CEP120: variants seen among roughly 807,000 people sequenced by gnomAD.
The protein encoded by CEP120 is centrosomal protein 120, also known as centrosomal protein of 120 kDa.
CEP120 carries 113 observed loss-of-function variants against 126.5 expected under a neutral mutation model. That is an observed-to-expected ratio of 0.89 (90% CI 0.77 to 1.04). The LOEUF (loss-of-function observed/expected upper bound fraction) is 1.04. Ranked by LOEUF, CEP120 falls within the 50% of genes least tolerant of loss-of-function variation. The pLI, the probability that CEP120 is intolerant of heterozygous loss-of-function variation, is 0.00. For synonymous variants in CEP120, 400 were observed against 394.3 expected (o/e 1.01, Z -0.17); for missense variants, 1,230 against 1,155.7 (o/e 1.06, Z -0.93).
At chr5:123,402,446 GT>G in intron 4 of CEP120, 7 of 888,542 alleles carry the variant, frequency 7.9e-6, no homozygotes, top group Non-Finnish European at 1.1e-5. Flanking sequence ...TTGAGACAGA[GT>G]CTTGCTCTGT....
At chr5:123,367,338 T>G (rs1166112693) in intron 17 of CEP120, among the ~76,000 whole-genome samples, 1 of 151,954 alleles carries the variant, frequency 6.6e-6, no homozygotes, top group Non-Finnish European at 1.5e-5. Context: ...TTTCCACCTA[T>G]GTAGGCCCTA....
chr5:123,365,807 G>C (rs916757779), intron 17 of CEP120, among the ~76,000 whole-genome samples: 2 of 151,358 alleles, frequency 1.3e-5, no homozygotes, highest in African/African-American at 4.8e-5. Flanking sequence ...GGGATAAGAG[G>C]ATAGTATTCA....
At chr5:123,394,933 TGGAA>T (rs1772668556) in intron 5 of CEP120, among the ~76,000 whole-genome samples, 1 of 152,230 alleles carries the variant, frequency 6.6e-6, no homozygotes, top group Non-Finnish European at 1.5e-5. Context: ...TTAGGGTTGT[TGGAA>T]GGATTAAAAG....
intron 14 of CEP120, among the ~76,000 whole-genome samples, chr5:123,381,115 A>G (rs1771612301): frequency 6.6e-6 from 1 of 152,180 alleles, no homozygotes; most frequent in Non-Finnish European, 1.5e-5. Context: ...GCCCTCCTTT[A>G]TAAACACAAC....
At chr5:123,414,151 A>G (rs930990165) in intron 3 of CEP120, among the ~76,000 whole-genome samples, 1 of 152,214 alleles carries the variant, frequency 6.6e-6, no homozygotes, top group Non-Finnish European at 1.5e-5. Flanking sequence ...CTCATCCCTC[A>G]GATACCCCCC....
At chr5:123,383,152 C>A in intron 11 of CEP120, 70 bp from the exon 12 acceptor site, 1 of 952,636 alleles carries the variant, frequency 1.0e-6, no homozygotes, top group South Asian at 1.8e-5. Flanking sequence ...TTTATTTCCC[C>A]AGTGCTTTAG....
intron 17 of CEP120, among the ~76,000 whole-genome samples, chr5:123,367,937 A>G (rs1174935515): frequency 6.6e-6 from 1 of 151,944 alleles, no homozygotes; most frequent in African/African-American, 2.4e-5. Flanking sequence ...TTAAGAAATA[A>G]GATTCTGCCC....
At position 123,423,038 on chromosome 5, in the gene CEP120, G is replaced by C. The variant is rs775192639; in HGVS notation, c.-40C>G. The C allele has an allele frequency of 3.2e-5, 50 of 1,577,348 alleles. No individual in the cohort carries two copies. The Admixed American group carries it at 6.7e-4, about 21-fold the overall frequency. On this transcript the variant is annotated 5_prime_UTR_variant, in exon 1 of 20. Transcript: ENST00000306467. ...GTCCGGGGGCGAAGGCGGCTGGGGG[G>C]AAGTGAGGTCCAGTTGAGTCGCGGG...
chr5:123,382,325 TAAAAAA>T, intron 13 of CEP120, 125 bp from the exon 14 acceptor site: 3 of 219,216 alleles, frequency 1.4e-5, no homozygotes, highest in Non-Finnish European at 2.5e-5. Context: ...TTTTTTATTC[TAAAAAA>T]AAAAAAAAAA....
intron 8 of CEP120, among the ~76,000 whole-genome samples, chr5:123,388,874 C>T (rs970835235): frequency 6.6e-6 from 1 of 152,194 alleles, no homozygotes; most frequent in African/African-American, 2.4e-5. Context: ...GAGAAATATA[C>T]ATGACTGCAG....
rs1770930763 is a variant in CEP120, at chr5:123,372,680, C to G, written c.2451G>C (p.Gln817His). ...CCAAGGTGAGAAGATTTATTTCAGA[C>G]TGTAGACGGATTTCTGGTTTGTTGT... ...QQNNKPEIRL[Q>H]SEINLLTLEK... Residue 817 changes from glutamine to histidine, a missense_variant, in exon 17 of 20, where the codon CAG becomes CAC. Coordinates refer to ENST00000306467, the MANE Select transcript of CEP120 (RefSeq NM_001375405.1). 6 of 1,612,324 alleles carry G rather than the reference C, an allele frequency of 3.7e-6. No individual in the cohort carries two copies. The highest frequency in any genetic ancestry group is 5.1e-6 in the Non-Finnish European group (6 of 1,179,066).
In CEP120 at chr5:123,403,650, C is replaced by G. The variant is rs182426014; in HGVS notation, c.464-4366G>C. The G allele has an allele frequency of 8.1e-6, 3 of 369,290 alleles. No homozygotes were observed. In the East Asian group the frequency reaches 2.7e-4, roughly 33 times the overall value. 22.9% of individuals were successfully genotyped at this position (369,290 alleles called of 1,614,324 possible). A position where few individuals can be genotyped will look rare whatever the true frequency, so the allele number is the denominator to read the frequency against. On this transcript the variant is annotated intron_variant, in intron 4 of 19. Coordinates refer to ENST00000306467, the MANE Select transcript of CEP120 (RefSeq NM_001375405.1). Reference sequence around the variant, plus strand: ...ACATACAACACTTTAATCAAGTAATCAAAGTTAGCATCAGAAATAGGACAA... The same window carrying G: ...ACATACAACACTTTAATCAAGTAATGAAAGTTAGCATCAGAAATAGGACAA...
chr5:123,414,371 T>C (rs1201786893), intron 3 of CEP120, among the ~76,000 whole-genome samples: 1 of 152,202 alleles, frequency 6.6e-6, no homozygotes, highest in African/African-American at 2.4e-5. Flanking sequence ...CAAATCCTCT[T>C]TTAAAGCATT....
At chr5:123,391,025 G>C (rs1054375147) in intron 7 of CEP120, 85 bp downstream of exon 7, 28 of 897,556 alleles carry the variant, frequency 3.1e-5, no homozygotes, top group Non-Finnish European at 4.7e-5. Flanking sequence ...TCCTTATGAA[G>C]GTAACTCTTC....
At chr5:123,361,323 G>A (rs1285209521) in intron 18 of CEP120, among the ~76,000 whole-genome samples, 2 of 151,700 alleles carry the variant, frequency 1.3e-5, no homozygotes, top group East Asian at 3.9e-4. Context: ...AATACTTGCT[G>A]ACTTCATTTA....
At chr5:123,361,215 C>T (rs951256015) in intron 18 of CEP120, among the ~76,000 whole-genome samples, 9 of 151,910 alleles carry the variant, frequency 5.9e-5, no homozygotes, top group Middle Eastern at 3.4e-3. Context: ...ATTTCCTATC[C>T]AGTAGTGTTA....
At chr5:123,385,235 T>C (rs1771939022) in intron 10 of CEP120, 102 bp from the exon 11 acceptor site, 1 of 857,064 alleles carries the variant, frequency 1.2e-6, no homozygotes, top group Non-Finnish European at 1.8e-6. Flanking sequence ...AAGATGTTTT[T>C]TGTTACCTGG....
chr5:123,404,841 T>C (rs1330938160), intron 4 of CEP120, among the ~76,000 whole-genome samples: 1 of 152,220 alleles, frequency 6.6e-6, no homozygotes, highest in Non-Finnish European at 1.5e-5. Flanking sequence ...TCACTATTTG[T>C]TTCTCTCACT....
rs978039499 is a variant in CEP120 at position 123,382,818 on chromosome 5, C to T, written c.1932G>A (p.Glu644=). Residue 644 remains glutamate, a synonymous_variant, in exon 13 of 20, where the codon GAG becomes GAA. Transcript: ENST00000306467. ...CTTTGTATTCTAACGTTTCACGAGG[C>T]TCTGTCTGGATCTCTGAAGGACAAG... The part of the protein sequence containing the change: ...PAPCPSEIQT[E]PRETLEYKAA... The T allele has an allele frequency of 1.2e-6, 2 of 1,613,478 alleles. No homozygotes were observed. The highest frequency in any genetic ancestry group is 3.3e-5 in the Admixed American group (2 of 59,874).
Sources: gnomAD v4.1 joint callset for allele counts (sites outside exome capture counted in the v4.1 genomes callset) on GRCh38, gnomAD v4.1.1 for gene constraint, MANE v1.5 for transcripts, NCBI Gene and HGNC (gene_info 2026-07-23, HGNC 2026-07-21) for gene names.